The following TRABD2B variants were observed in gnomAD, a reference collection of about 807,000 sequenced individuals.
TRABD2B encodes the protein TraB domain containing 2B.
TRABD2B carries 14 observed loss-of-function variants against 40.1 expected under a neutral mutation model. That is an observed-to-expected ratio of 0.35 (90% CI 0.23 to 0.55). TRABD2B has a LOEUF of 0.55. Among genes scored for constraint, TRABD2B ranks in the 20% least tolerant of loss-of-function variants. TRABD2B has a pLI of 0.90. For synonymous variants in TRABD2B, 263 were observed against 277.0 expected, an observed-to-expected ratio of 0.95 and a Z score of 0.50; for missense variants, 541 against 648.6, an observed-to-expected ratio of 0.83 and a Z score of 1.80.
chr1:47,859,523 T>G (rs373897099), intron 2 of TRABD2B, among the ~76,000 whole-genome samples: 1 of 152,260 alleles, frequency 6.6e-6, no homozygotes, highest in South Asian at 2.1e-4. Flanking sequence ...CTTGTAGAGC[T>G]CTGGCCACAG....
intron 2 of TRABD2B, among the ~76,000 whole-genome samples, chr1:47,862,872 G>C (rs919704246): frequency 6.6e-6 from 1 of 152,108 alleles, no homozygotes; most frequent in African/African-American, 2.4e-5. Flanking sequence ...TGGTGTTGGT[G>C]AAAGAAAAGA....
chr1:47,891,876 G>A (rs527878268), intron 2 of TRABD2B, among the ~76,000 whole-genome samples: 1 of 152,254 alleles, frequency 6.6e-6, no homozygotes, highest in Admixed American at 6.5e-5. Context: ...GAAAGAGCAA[G>A]GGACTAGTAT....
At chr1:47,849,745 G>A (rs1388955675) in intron 2 of TRABD2B, among the ~76,000 whole-genome samples, 1 of 152,180 alleles carries the variant, frequency 6.6e-6, no homozygotes, top group African/African-American at 2.4e-5. Flanking sequence ...GGTGCGGGAG[G>A]GAGGACAGGG....
intron 2 of TRABD2B, among the ~76,000 whole-genome samples, chr1:47,992,478 T>C (rs1447952452): frequency 6.6e-6 from 1 of 152,168 alleles, no homozygotes; most frequent in Non-Finnish European, 1.5e-5. Flanking sequence ...CTTTGTCGGA[T>C]TCCTCTGTGG....
At chr1:47,887,424 G>A (rs1644385067) in intron 2 of TRABD2B, among the ~76,000 whole-genome samples, 1 of 152,148 alleles carries the variant, frequency 6.6e-6, no homozygotes, top group African/African-American at 2.4e-5. Context: ...GTGGCTTTGA[G>A]TGGGGTGGGG....
chr1:47,942,744 C>T (rs1214892094), intron 2 of TRABD2B, among the ~76,000 whole-genome samples: 1 of 152,116 alleles, frequency 6.6e-6, no homozygotes, highest in Non-Finnish European at 1.5e-5. Context: ...TTGTAACAAC[C>T]TAGGAGGCAG....
chr1:47,851,420 G>A (rs1645547984), intron 2 of TRABD2B, among the ~76,000 whole-genome samples: 1 of 152,204 alleles, frequency 6.6e-6, no homozygotes, highest in Non-Finnish European at 1.5e-5. Flanking sequence ...AAGAATGTAT[G>A]TGAACCTGCG....
intron 2 of TRABD2B, among the ~76,000 whole-genome samples, chr1:47,837,134 G>T (rs1368342794): frequency 1.3e-5 from 2 of 152,188 alleles, no homozygotes; most frequent in East Asian, 3.9e-4. Context: ...ACAGGGGAGA[G>T]CACTGGGGCT....
chr1:47,821,467 A>C (rs1387835019), intron 2 of TRABD2B, among the ~76,000 whole-genome samples: 1 of 152,232 alleles, frequency 6.6e-6, no homozygotes, highest in African/African-American at 2.4e-5. Flanking sequence ...AGCAGAAATG[A>C]ATAGCCCCAA....
At chr1:47,939,099 C>G (rs1030136366) in intron 2 of TRABD2B, among the ~76,000 whole-genome samples, 1 of 152,066 alleles carries the variant, frequency 6.6e-6, no homozygotes, top group Non-Finnish European at 1.5e-5. Flanking sequence ...ATCACGGAGA[C>G]CACATGGTGA....
At chr1:47,967,328 A>C (rs1315935723) in intron 2 of TRABD2B, among the ~76,000 whole-genome samples, 1 of 123,554 alleles carries the variant, frequency 8.1e-6, no homozygotes, top group African/African-American at 3.1e-5. Flanking sequence ...TATGTGAATA[A>C]GCAAGAAAAC....
intron 2 of TRABD2B, among the ~76,000 whole-genome samples, chr1:47,872,239 G>GA (rs1226681953): frequency 7.2e-5 from 11 of 152,154 alleles, no homozygotes; most frequent in African/African-American, 2.4e-4. Context: ...ACCTGTGTCT[G>GA]GCCTCCCAGG....
At chr1:47,946,631 T>G (rs1157590216) in intron 2 of TRABD2B, among the ~76,000 whole-genome samples, 1 of 152,212 alleles carries the variant, frequency 6.6e-6, no homozygotes, top group East Asian at 1.9e-4. Flanking sequence ...TGGATTTGAA[T>G]GACTAATAAT....
chr1:47,943,613 T>C (rs966753494), intron 2 of TRABD2B, among the ~76,000 whole-genome samples: 4 of 152,154 alleles, frequency 2.6e-5, no homozygotes, highest in African/African-American at 9.7e-5. Context: ...CTAGAACTTA[T>C]TCTCCTGACT....
intron 2 of TRABD2B, among the ~76,000 whole-genome samples, chr1:47,812,768 G>A (rs1644982590): frequency 6.6e-6 from 1 of 152,144 alleles, no homozygotes; most frequent in Non-Finnish European, 1.5e-5. Context: ...ACTGCAGAAT[G>A]ATATAGAGGA....
At chr1:47,855,737 T>A (rs1040168213) in intron 2 of TRABD2B, among the ~76,000 whole-genome samples, 6 of 152,160 alleles carry the variant, frequency 3.9e-5, no homozygotes, top group Non-Finnish European at 7.4e-5. Context: ...GGAGCCCTCA[T>A]TAGTGCCCTT....
chr1:47,783,653 G>A (rs1644556066), intron 4 of TRABD2B, among the ~76,000 whole-genome samples: 1 of 152,224 alleles, frequency 6.6e-6, no homozygotes, highest in African/African-American at 2.4e-5. Context: ...GAGGTTCCCT[G>A]CTCTGAGCAG....
intron 2 of TRABD2B, among the ~76,000 whole-genome samples, chr1:47,830,806 TG>T (rs1041850781): frequency 1.4e-4 from 22 of 152,292 alleles, no homozygotes; most frequent in Non-Finnish European, 2.9e-4. Flanking sequence ...AGAGACTCTC[TG>T]GGGGACACTA....
intron 2 of TRABD2B, among the ~76,000 whole-genome samples, chr1:47,843,084 A>G (rs1645421229): frequency 6.6e-6 from 1 of 152,042 alleles, no homozygotes; most frequent in South Asian, 2.1e-4. Flanking sequence ...AAGGGGGTGG[A>G]GGAGGGAGGT....
Sources: gnomAD v4.1 joint callset for allele counts (sites outside exome capture counted in the v4.1 genomes callset) on GRCh38, gnomAD v4.1.1 for gene constraint, MANE v1.5 for transcripts, NCBI Gene and HGNC (gene_info 2026-07-23, HGNC 2026-07-21) for gene names.